Variants in NDST4 observed in about 807,000 individuals in gnomAD.
NDST4 encodes N-deacetylase and N-sulfotransferase 4.
In NDST4, 63 loss-of-function variants were observed where a neutral mutation model predicts 100.8. The observed-to-expected ratio is 0.62, with a 90% CI of 0.51 to 0.77. The LOEUF is 0.77. Among genes scored for constraint, NDST4 ranks in the 30% least tolerant of loss-of-function variants. The pLI is 0.00. For missense variants in NDST4, 943 were observed against 1,018.4 expected (o/e 0.93, Z 1.01); for synonymous variants, 377 against 361.8 (o/e 1.04, Z -0.48).
rs1723541986 is a variant in NDST4, at chr4:114,846,007, G to A, written c.1941-10C>T. 2.6e-6 allele frequency: 4 copies of A among 1,557,902 alleles called. No individual in the cohort carries two copies. The highest frequency in any genetic ancestry group is 3.5e-6 in the Non-Finnish European group (4 of 1,142,038). On this transcript the variant is annotated splice_polypyrimidine_tract_variant and intron_variant, in intron 9 of 13. Coordinates refer to ENST00000264363, the MANE Select transcript of NDST4 (RefSeq NM_022569.3). Reference sequence around the variant, plus strand: ...GAAAAAGTCCATATACCTGAAGGCAGAGAAAGACAATTAATTAATCTGAAA... The same window carrying A: ...GAAAAAGTCCATATACCTGAAGGCAAAGAAAGACAATTAATTAATCTGAAA...
chr4:114,864,907 T>C (rs1427619929), intron 7 of NDST4, among the ~76,000 whole-genome samples: 2 of 152,148 alleles, frequency 1.3e-5, no homozygotes, highest in African/African-American at 4.8e-5. Flanking sequence ...AGACACAAAA[T>C]GTTTCTAATT....
intron 2 of NDST4, among the ~76,000 whole-genome samples, chr4:115,015,842 T>C (rs528330962): frequency 1.3e-5 from 2 of 152,166 alleles, no homozygotes; most frequent in East Asian, 3.9e-4. Context: ...CCACCACTGA[T>C]GCACAGTCTG....
intron 2 of NDST4, among the ~76,000 whole-genome samples, chr4:114,978,002 T>C (rs966087828): frequency 1.3e-5 from 2 of 152,034 alleles, no homozygotes; most frequent in African/African-American, 4.8e-5. Flanking sequence ...GAATTAGTTA[T>C]GTAAATTTGT....
chr4:114,985,133 T>C (rs753045341), intron 2 of NDST4, among the ~76,000 whole-genome samples: 6 of 152,192 alleles, frequency 3.9e-5, no homozygotes, highest in Admixed American at 3.3e-4. Context: ...AGGGTATTTA[T>C]GGGGAGAAAG....
chr4:114,924,313 A>G (rs1725344871), intron 6 of NDST4, among the ~76,000 whole-genome samples: 1 of 152,124 alleles, frequency 6.6e-6, no homozygotes, highest in African/African-American at 2.4e-5. Flanking sequence ...CATACGTTGT[A>G]AGTCCATGGA....
At chr4:115,073,679 C>T (rs6810550) in intron 2 of NDST4, among the ~76,000 whole-genome samples, 2,125 of 151,786 alleles carry the variant, frequency 0.014, 58 homozygotes, top group African/African-American at 0.049. Context: ...TGGAGAGATT[C>T]GGTTAAAGTA....
At chr4:114,929,239 C>A (rs548301469) in intron 6 of NDST4, among the ~76,000 whole-genome samples, 3 of 151,896 alleles carry the variant, frequency 2.0e-5, no homozygotes, top group African/African-American at 7.3e-5. Context: ...CTATGCAAGC[C>A]GGGAAGTAAG....
chr4:114,971,362 A>G (rs748681476), intron 3 of NDST4, among the ~76,000 whole-genome samples: 2 of 152,098 alleles, frequency 1.3e-5, no homozygotes, highest in African/African-American at 2.4e-5. Flanking sequence ...AATACATAGG[A>G]AATAAAAACA....
At chr4:114,962,639 A>G (rs1474373154) in intron 4 of NDST4, among the ~76,000 whole-genome samples, 2 of 152,050 alleles carry the variant, frequency 1.3e-5, no homozygotes, top group Non-Finnish European at 2.9e-5. Context: ...AAATTATAAA[A>G]TATTGTTTAA....
Position 115,076,753 on chromosome 4 carries a change from A to G in NDST4, c.284T>C (p.Ile95Thr). The G allele has an allele frequency of 1.2e-6, 2 of 1,613,976 alleles. No individual in the cohort carries two copies. Among genetic ancestry groups the G allele is most frequent in the Non-Finnish European group, 1.7e-6 (2 of 1,179,936 alleles). ...TCGGCTGGACTCCAAAATAGCTATGATATCTTGACCGAGTTGAGAGTATTG... is the reference window on the plus strand; with the variant it reads ...TCGGCTGGACTCCAAAATAGCTATGGTATCTTGACCGAGTTGAGAGTATTG... The part of the protein sequence containing the change: ...ESQYSQLGQD[I>T]IAILESSRFQ... Residue 95 changes from isoleucine to threonine, a missense_variant, in exon 2 of 14, where the codon ATC becomes ACC. Physicochemically the swap from Ile to Thr is moderately conservative, Grantham distance 89. This residue lies in a region of NDST4 where 417 missense variants were observed against 384.2 expected (regional missense o/e 1.09). Transcript: ENST00000264363.
At chr4:115,044,859 C>T (rs1479798) in intron 2 of NDST4, among the ~76,000 whole-genome samples, 39,732 of 150,256 alleles carry the variant, frequency 0.26, 7,548 homozygotes, top group African/African-American at 0.52. Flanking sequence ...ATGTTTAAAC[C>T]AATTAATAAT....
chr4:114,852,636 GAA>G (rs1723702146), intron 8 of NDST4, 87 bp downstream of exon 8: 1 of 704,904 alleles, frequency 1.4e-6, no homozygotes, highest in African/African-American at 1.9e-5. Flanking sequence ...ATTTCACAAA[GAA>G]AAATCTAATC....
intron 2 of NDST4, among the ~76,000 whole-genome samples, chr4:115,046,901 A>G (rs547481920): frequency 6.6e-6 from 1 of 152,098 alleles, no homozygotes; most frequent in East Asian, 1.9e-4. Flanking sequence ...CTTAAAAATG[A>G]CTTCCTTTTC....
At chr4:115,062,011 G>A (rs1463028647) in intron 2 of NDST4, among the ~76,000 whole-genome samples, 1 of 151,734 alleles carries the variant, frequency 6.6e-6, no homozygotes, top group Non-Finnish European at 1.5e-5. Flanking sequence ...ACGCACAAAG[G>A]AAAAAGCAAA....
At chr4:114,829,996 T>G (rs1242840468) in intron 12 of NDST4, 104 bp from the exon 13 acceptor site, 1 of 755,332 alleles carries the variant, frequency 1.3e-6, no homozygotes, top group Non-Finnish European at 2.2e-6. Flanking sequence ...GCCCACTGAT[T>G]TAATTTAATT....
chr4:115,018,363 T>G (rs1727735052), intron 2 of NDST4, among the ~76,000 whole-genome samples: 1 of 151,954 alleles, frequency 6.6e-6, no homozygotes, highest in Non-Finnish European at 1.5e-5. Context: ...TAATTTTAGT[T>G]TTGTTTACAA....
chr4:115,000,312 CTGA>C (rs1727258382), intron 2 of NDST4, among the ~76,000 whole-genome samples: 2 of 151,792 alleles, frequency 1.3e-5, no homozygotes, highest in South Asian at 4.2e-4. Flanking sequence ...ATCATCTTAC[CTGA>C]TTTTTCAGGA....
At chr4:115,044,029 T>TA in intron 2 of NDST4, among the ~76,000 whole-genome samples, 1 of 152,266 alleles carries the variant, frequency 6.6e-6, no homozygotes, top group Non-Finnish European at 1.5e-5. Flanking sequence ...ATTCAAAAGA[T>TA]ACATTTTCTT....
intron 11 of NDST4, among the ~76,000 whole-genome samples, chr4:114,834,913 T>G (rs767609465): frequency 5.3e-5 from 8 of 152,220 alleles, no homozygotes; most frequent in Non-Finnish European, 1.2e-4. Flanking sequence ...GTTTATAGTA[T>G]TCTCTGATGA....
Sources: allele counts gnomAD v4.1 joint callset (sites outside exome capture counted in the v4.1 genomes callset), GRCh38; gene constraint gnomAD v4.1.1; regional missense constraint gnomAD v4.1.1; transcripts MANE v1.5; gene names NCBI Gene and HGNC (gene_info 2026-07-23, HGNC 2026-07-21).